LGALS3: variants seen among roughly 807,000 people sequenced by gnomAD.
LGALS3 encodes galectin-3.
A neutral mutation model predicts 20.7 loss-of-function variants in LGALS3; 18 were observed. The observed-to-expected ratio is 0.87, with a 90% CI of 0.60 to 1.29. LGALS3 has a LOEUF of 1.29. LGALS3 is among the 50% of genes most tolerant of loss of function. The probability of loss-of-function intolerance (pLI) is 0.00; values close to 1 mark genes in which losing one functional copy is unlikely to be tolerated. For missense variants in LGALS3, 315 were observed against 314.7 expected, an observed-to-expected ratio of 1.00 and a Z score of -0.01; for synonymous variants, 112 against 119.6, an observed-to-expected ratio of 0.94 and a Z score of 0.42.
chr14:55,144,839 C>T (rs1881759591), intron 5 of LGALS3, among the ~76,000 whole-genome samples: 1 of 152,366 alleles, frequency 6.6e-6, no homozygotes, highest in African/African-American at 2.4e-5. Context: ...GCTGGGATTA[C>T]AGGCGTGAGC....
intron 1 of LGALS3, among the ~76,000 whole-genome samples, chr14:55,132,661 G>A (rs1177836652): frequency 2.0e-5 from 3 of 152,002 alleles, no homozygotes; most frequent in South Asian, 4.1e-4. Flanking sequence ...TCTGCCTCCC[G>A]GGTTCAAGCG....
intron 1 of LGALS3, among the ~76,000 whole-genome samples, chr14:55,136,508 G>A (rs1039485333): frequency 4.6e-5 from 7 of 151,742 alleles, no homozygotes; most frequent in Non-Finnish European, 1.5e-5. Flanking sequence ...TAGGCCCTTC[G>A]GCTTTTATTT....
In LGALS3 at chr14:55,142,718, T is replaced by C; in HGVS notation, c.566T>C (p.Val189Ala). 1 of 1,613,474 alleles carries C rather than the reference T, an allele frequency of 6.2e-7. No individual in the cohort carries two copies. The highest frequency in any genetic ancestry group is 8.5e-7 in the Non-Finnish European group (1 of 1,179,430). Residue 189 changes from valine (V) to alanine (A), a missense_variant, in exon 5 of 6, where the codon GTT (valine) becomes GCT (alanine). Val to Ala is a moderately conservative substitution (Grantham distance 64, BLOSUM62 0). Transcript: ENST00000254301. ...NNWGREERQSVFPFESGKPFK... is the reference protein window; with the variant it reads ...NNWGREERQSAFPFESGKPFK... ...TGGGGAAGGGAAGAAAGACAGTCGG[T>C]TTTCCCATTTGAAAGTGGGAAACCA...
chr14:55,134,215 T>C (rs1469831183), intron 1 of LGALS3, among the ~76,000 whole-genome samples: 1 of 152,156 alleles, frequency 6.6e-6, no homozygotes, highest in Non-Finnish European at 1.5e-5. Flanking sequence ...CTGAAGACAC[T>C]TGGTTGTCAC....
At chr14:55,130,228 C>T (rs376596706) in intron 1 of LGALS3, among the ~76,000 whole-genome samples, 2 of 152,148 alleles carry the variant, frequency 1.3e-5, no homozygotes, top group South Asian at 4.1e-4. Flanking sequence ...AACACTAAAA[C>T]GATTGCCCTC....
At chr14:55,135,524 G>GT (rs1444069022) in intron 1 of LGALS3, among the ~76,000 whole-genome samples, 3 of 139,322 alleles carry the variant, frequency 2.2e-5, no homozygotes, top group Non-Finnish European at 4.6e-5. Flanking sequence ...AGCTCTGCCT[G>GT]TTTGAGTTTT....
At position 55,137,690 on chromosome 14, in the gene LGALS3, GT is replaced by G; in HGVS notation, c.18+300del. 3 of 1,397,278 alleles carry G rather than the reference GT, an allele frequency of 2.1e-6. No homozygotes were observed. The South Asian group carries it at 5.0e-5, about 23-fold the overall frequency. 86.6% of individuals were successfully genotyped at this position (1,397,278 alleles called of 1,614,324 possible). ...TGAGAAATCCTCTGAGTAGCGGGAAGTGCGGTACAGTCTGGGCATTCTGATG... is the reference window on the plus strand; with the variant it reads ...TGAGAAATCCTCTGAGTAGCGGGAAGGCGGTACAGTCTGGGCATTCTGATG... On this transcript the variant is annotated intron_variant, in intron 2 of 5. Transcript: ENST00000254301.
chr14:55,132,386 T>C (rs1272203507), intron 1 of LGALS3, among the ~76,000 whole-genome samples: 2 of 152,086 alleles, frequency 1.3e-5, no homozygotes, highest in African/African-American at 2.4e-5. Flanking sequence ...ATAGTGTCTG[T>C]AGAGTGGGAA....
chr14:55,140,141 A>G, intron 3 of LGALS3, 134 bp from the exon 4 acceptor site: 1 of 583,468 alleles, frequency 1.7e-6, no homozygotes, highest in Non-Finnish European at 3.1e-6. Flanking sequence ...GTGGCCTGAG[A>G]GTCTGGACAG....
chr14:55,135,887 T>C (rs1258814722), intron 1 of LGALS3, among the ~76,000 whole-genome samples: 1 of 152,196 alleles, frequency 6.6e-6, no homozygotes, highest in Non-Finnish European at 1.5e-5. Flanking sequence ...TTGAATCAAG[T>C]AGTGGACATT....
At chr14:55,140,453 T>G in intron 4 of LGALS3, 90 bp downstream of exon 4, 2 of 734,498 alleles carry the variant, frequency 2.7e-6, no homozygotes, top group Non-Finnish European at 4.6e-6. Flanking sequence ...TGCCCTGTCT[T>G]ACAGTGCTAT....
At position 55,136,708 on chromosome 14, in the gene LGALS3, A is replaced by G. The variant is rs570195644; in HGVS notation, c.-4-662A>G. ...TTATTTTCAAACGTACAATGAAATT[A>G]TTGACTATAGTCACCCTGCTGTGCT... On this transcript the variant is annotated intron_variant, in intron 1 of 5. Transcript: ENST00000254301. 9.2e-5 allele frequency among the ~76,000 whole-genome samples: 14 copies of G among 152,322 alleles called. No individual in the cohort carries two copies. In the South Asian group the frequency reaches 2.3e-3, roughly 25 times the overall value.
At chr14:55,144,530 A>T (rs1433533654) in intron 5 of LGALS3, among the ~76,000 whole-genome samples, 2 of 152,090 alleles carry the variant, frequency 1.3e-5, no homozygotes, top group Non-Finnish European at 2.9e-5. Context: ...GCTGCTTTAA[A>T]AAAAAAACCT....
intron 1 of LGALS3, among the ~76,000 whole-genome samples, chr14:55,135,813 C>T (rs573938099): frequency 8.9e-4 from 136 of 152,134 alleles, no homozygotes; most frequent in Non-Finnish European, 1.8e-3. Context: ...GATTTGCCCA[C>T]CTTGGCCTCC....
chr14:55,131,319 A>G (rs1289082469), intron 1 of LGALS3, among the ~76,000 whole-genome samples: 1 of 152,204 alleles, frequency 6.6e-6, no homozygotes, highest in Non-Finnish European at 1.5e-5. Context: ...CTGTACTACA[A>G]ATATGCATAG....
chr14:55,139,728 A>G (rs919557341), intron 3 of LGALS3, among the ~76,000 whole-genome samples: 2 of 152,232 alleles, frequency 1.3e-5, no homozygotes, highest in Non-Finnish European at 2.9e-5. Flanking sequence ...AGCTTTGGGG[A>G]TATTCACAGT....
chr14:55,133,369 C>T (rs1440656971), intron 1 of LGALS3, among the ~76,000 whole-genome samples: 3 of 152,076 alleles, frequency 2.0e-5, no homozygotes, highest in African/African-American at 7.2e-5. Context: ...ATTCCAAGAC[C>T]CCCTGTGGAT....
At chr14:55,145,063 C>G in intron 5 of LGALS3, 53 bp from the exon 6 acceptor site, 1 of 1,441,884 alleles carries the variant, frequency 6.9e-7, no homozygotes, top group Non-Finnish European at 9.7e-7. Context: ...ATGCCTAAAT[C>G]CAGCTGACAT....
In LGALS3 at chr14:55,129,810, G is replaced by A. The variant is rs1435315695; in HGVS notation, c.-5+510G>A. On this transcript the variant is annotated intron_variant, in intron 1 of 5. Coordinates refer to ENST00000254301, the MANE Select transcript of LGALS3 (RefSeq NM_002306.4). This position sits in a 1 kb window ranked among gnomAD's most constrained non-coding sequence, Gnocchi z 5.3. ...CCCTTCCCCAGATCACGGCCGCGGG[G>A]GAGCGAAGGGACTTCCCAGGACTGC... 6.6e-6 allele frequency among the ~76,000 whole-genome samples: 1 copy of A among 152,222 alleles called. No homozygotes were observed. The highest frequency in any genetic ancestry group is 1.9e-4 in the East Asian group (1 of 5,190).
Sources: gnomAD v4.1 joint callset for allele counts (sites outside exome capture counted in the v4.1 genomes callset) on GRCh38, gnomAD v4.1.1 for gene constraint, Gnocchi (gnomAD v3.1) non-coding constraint, MANE v1.5 for transcripts, NCBI Gene and HGNC (gene_info 2026-07-23, HGNC 2026-07-21) for gene names.